Variants in CLCNKB observed in about 807,000 individuals in gnomAD.
The protein encoded by CLCNKB is chloride voltage-gated channel Kb.
In CLCNKB, 74 loss-of-function variants were observed where a neutral mutation model predicts 83.8. The ratio of observed to expected loss-of-function variants is 0.88; its 90% confidence interval spans 0.73 to 1.07. The LOEUF is 1.07. Ranked by LOEUF, CLCNKB falls within the 50% of genes least tolerant of loss-of-function variation. The pLI, the probability that CLCNKB is intolerant of heterozygous loss-of-function variation, is 0.00. For synonymous variants in CLCNKB, 358 were observed against 356.6 expected (o/e 1.00, Z -0.04); for missense variants, 798 against 893.6 (o/e 0.89, Z 1.36).
rs1216464592 is a variant in CLCNKB, at chr1:16,055,455, A to G, written c.1777A>G (p.Ile593Val). 20 of 1,572,196 alleles carry G rather than the reference A, an allele frequency of 1.3e-5. No individual in the cohort carries two copies. The highest frequency in any genetic ancestry group is 1.7e-5 in the Non-Finnish European group (20 of 1,153,794). The change falls in exon 17 of 20, where the codon ATA becomes GTA. Residue 593 changes from isoleucine (I) to valine (V), a missense_variant. Physicochemically the swap from Ile to Val is conservative, Grantham distance 29 (BLOSUM62 3). Coordinates refer to ENST00000375679, the MANE Select transcript of CLCNKB (RefSeq NM_000085.5). ...ESTESQILVG[I>V]VRRAQLVQAL... is the part of the protein sequence containing the mutation. ...GCCAGAGTCCCAGATCCTGGTGGGC[A>G]TAGTGCGAAGGGCCCAGCTGGTGCA...
Position 16,055,693 on chromosome 1 carries a change from T to A in CLCNKB, c.1864T>A (p.Leu622Met). The stretch of plus-strand genomic sequence containing the variant: ...CCCCCAGCAGTGTCTCCAGGACATC[T>A]TGGCTGCAGGCTGCCCCACAGAACC... ...PGHQQCLQDI[L>M]AAGCPTEPVT... Residue 622 changes from leucine (L) to methionine (M), a missense_variant, in exon 18 of 20, where the codon TTG becomes ATG. Physicochemically the swap from Leu to Met is conservative, Grantham distance 15. Transcript: ENST00000375679. 1 of 1,613,858 alleles carries A rather than the reference T, an allele frequency of 6.2e-7. No individual in the cohort carries two copies. Among genetic ancestry groups the A allele is most frequent in the Non-Finnish European group, 8.5e-7 (1 of 1,180,028 alleles).
intron 7 of CLCNKB, 121 bp downstream of exon 7, chr1:16,048,703 A>T: frequency 6.6e-7 from 1 of 1,522,902 alleles, no homozygotes; most frequent in Non-Finnish European, 8.9e-7. Context: ...TTCTCACTTC[A>T]GCCCCGCCTT....
intron 17 of CLCNKB, 28 bp from the exon 18 acceptor site, chr1:16,055,647 T>G (rs758248172): frequency 5.6e-6 from 9 of 1,612,294 alleles, no homozygotes; most frequent in Non-Finnish European, 7.6e-6. Flanking sequence ...AGGCCAGCCC[T>G]GCACCTGTAA....
In CLCNKB at chr1:16,052,230, A is replaced by C. The variant is rs12140311; in HGVS notation, c.1441A>C (p.Thr481Pro). The change falls in exon 15 of 20, where the codon ACC becomes CCC. Residue 481 changes from threonine (T) to proline (P), a missense_variant. Coordinates refer to ENST00000375679, the MANE Select transcript of CLCNKB (RefSeq NM_000085.5). ...AAAFSGAVTH[T>P]ISTALLAFEV... The stretch of plus-strand genomic sequence containing the variant: ...AGCCTTCTCAGGGGCTGTGACCCAC[A>C]CCATCTCCACGGCGCTGCTGGCCTT... The C allele has an allele frequency of 6.2e-7, 1 of 1,613,072 alleles. No individual in the cohort carries two copies. Among genetic ancestry groups the C allele is most frequent in the Non-Finnish European group, 8.5e-7 (1 of 1,179,972 alleles).
chr1:16,052,139 T>G (rs1170072105), intron 14 of CLCNKB, 59 bp from the exon 15 acceptor site: 1 of 1,600,956 alleles, frequency 6.2e-7, no homozygotes, highest in African/African-American at 1.3e-5. Flanking sequence ...GTGCCAGCCT[T>G]GCCCTAACAT....
In CLCNKB at chr1:16,045,508, G is replaced by C. The variant is rs6604910; in HGVS notation, c.101-50G>C. 0.63 allele frequency: 1,006,119 copies of C among 1,605,530 alleles called. 321,631 individuals carry two copies. The highest frequency in any genetic ancestry group is 0.72 in the East Asian group (32,145 of 44,598). ...CCAGCAGGCCTCCAAGGATGGGACT[G>C]TCTGTGCCTCCTGCCCCACCCTGTG... is the stretch of plus-strand genomic sequence containing the variant. On this transcript the variant is annotated intron_variant, in intron 2 of 19. Transcript: ENST00000375679.
chr1:16,050,541 A>G lies in CLCNKB; in HGVS notation c.994A>G (p.Thr332Ala). 6.2e-7 allele frequency: 1 copy of G among 1,613,890 alleles called. No homozygotes were observed. The highest frequency in any genetic ancestry group is 8.5e-7 in the Non-Finnish European group (1 of 1,179,950). Residue 332 changes from threonine to alanine, a missense_variant, in exon 11 of 20, where the codon ACC (threonine) becomes GCC (alanine). Coordinates refer to ENST00000375679, the MANE Select transcript of CLCNKB (RefSeq NM_000085.5). ...CAAGCCTGTGTACTCCGCTCTGGCC[A>G]CCTTGGTTCTCGCCTCCATCACCTA... Reference protein sequence around the residue: ...TSKPVYSALATLVLASITYPP... With the variant: ...TSKPVYSALAALVLASITYPP...
At chr1:16,048,191 C>T in intron 5 of CLCNKB, 147 bp downstream of exon 5, 1 of 1,433,180 alleles carries the variant, frequency 7.0e-7, no homozygotes, top group South Asian at 1.2e-5. Flanking sequence ...AGAGGCAGGC[C>T]AGGTCCCCGG....
Position 16,049,797 on chromosome 1 carries a change from T to C in CLCNKB, c.867-18T>C. On this transcript the variant is annotated intron_variant, in intron 9 of 19. Coordinates refer to ENST00000375679, the MANE Select transcript of CLCNKB (RefSeq NM_000085.5). The stretch of plus-strand genomic sequence containing the variant: ...GTACTGGGGTCGGGCTCTGGGCTCA[T>C]GTCTCCATGCTCCCCAGGGGTCTCT... The C allele has an allele frequency of 3.1e-6, 5 of 1,613,838 alleles. No homozygotes were observed. Among genetic ancestry groups the C allele is most frequent in the Non-Finnish European group, 4.2e-6 (5 of 1,179,866 alleles).
chr1:16,044,730 T>C (rs1237003294), intron 2 of CLCNKB, 138 bp downstream of exon 2: 6 of 745,402 alleles, frequency 8.0e-6, no homozygotes, highest in South Asian at 1.7e-5. Context: ...CAAAGTCTCC[T>C]GGGTGGCAGG....
chr1:16,044,554 T>C lies in CLCNKB; in HGVS notation c.62T>C (p.Leu21Pro), dbSNP rs1363752566. Reference sequence around the variant, plus strand: ...GGGAACCCTGTGACTCTGCAGGAGCTGTGGGGCCCCTGTCCCCGCATCCGC... The same window carrying C: ...GGGAACCCTGTGACTCTGCAGGAGCCGTGGGGCCCCTGTCCCCGCATCCGC... Reference protein sequence around the residue: ...SSGNPVTLQELWGPCPRIRRG... With the variant: ...SSGNPVTLQEPWGPCPRIRRG... The change falls in exon 2 of 20, where the codon CTG (leucine) becomes CCG (proline). Residue 21 changes from leucine to proline, a missense_variant. Coordinates refer to ENST00000375679, the MANE Select transcript of CLCNKB (RefSeq NM_000085.5). The C allele has an allele frequency of 5.6e-6, 9 of 1,606,492 alleles. No homozygotes were observed. The highest frequency in any genetic ancestry group is 7.6e-6 in the Non-Finnish European group (9 of 1,177,352).
rs1204707218 is a variant in CLCNKB, at chr1:16,044,516, T to C, written c.24T>C (p.Arg8=). ...TGATGGAGGAGTTTGTGGGGCTGCG[T>C]GAAGGCTCCTCAGGGAACCCTGTGA... MEEFVGL[R]EGSSGNPVTL... is the part of the protein sequence containing the mutation. Residue 8 remains arginine (R), a synonymous_variant, in exon 2 of 20, where the codon CGT becomes CGC. Coordinates refer to ENST00000375679, the MANE Select transcript of CLCNKB (RefSeq NM_000085.5). The C allele has an allele frequency of 6.2e-7, 1 of 1,605,760 alleles. No individual in the cohort carries two copies. Among genetic ancestry groups the C allele is most frequent in the South Asian group, 1.1e-5 (1 of 88,748 alleles).
At chr1:16,048,257 G>A in intron 5 of CLCNKB, 86 bp from the exon 6 acceptor site, 1 of 1,550,286 alleles carries the variant, frequency 6.5e-7, no homozygotes, top group African/African-American at 1.4e-5. Context: ...TGGAGGAGGG[G>A]GTGTTGGGGG....
Position 16,053,772 on chromosome 1 carries a change from G to A in CLCNKB, c.1756G>A (p.Glu586Lys), listed in dbSNP as rs1170835947. ...CAAGTATCCCCTGGTGGAGAGCACA[G>A]GTGCCCAGCCGGAAGGGAGGAGGAA... ...VAKYPLVESTESQILVGIVRR... is the reference protein window; with the variant it reads ...VAKYPLVESTKSQILVGIVRR... The change falls in exon 16 of 20, where the codon GAG becomes AAG. Residue 586 changes from glutamate to lysine, a missense_variant and splice_region_variant. By Grantham distance (56) the Glu-to-Lys change is moderately conservative. Transcript: ENST00000375679. 6.2e-7 allele frequency: 1 copy of A among 1,613,762 alleles called. No homozygotes were observed. The highest frequency in any genetic ancestry group is 1.1e-5 in the South Asian group (1 of 91,064).
Position 16,048,389 on chromosome 1 carries a change from G to C in CLCNKB, c.545G>C (p.Arg182Pro), listed in dbSNP as rs760971956. The change falls in exon 6 of 20, where the codon CGT becomes CCT. Residue 182 changes from arginine (R) to proline (P), a missense_variant. By Grantham distance (103) the Arg-to-Pro change is moderately radical. Coordinates refer to ENST00000375679, the MANE Select transcript of CLCNKB (RefSeq NM_000085.5). Reference sequence around the variant, plus strand: ...GTGATGATGGCTGCCTACCTGGGCCGTGTGCGCACCACGACCATCGGGGAG... The same window carrying C: ...GTGATGATGGCTGCCTACCTGGGCCCTGTGCGCACCACGACCATCGGGGAG... The part of the protein sequence containing the change: ...LSVMMAAYLG[R>P]VRTTTIGEPE... 6.2e-6 allele frequency: 10 copies of C among 1,613,902 alleles called. No individual in the cohort carries two copies. The highest frequency in any genetic ancestry group is 7.6e-6 in the Non-Finnish European group (9 of 1,180,008).
chr1:16,056,010 T>C lies in CLCNKB; in HGVS notation c.1929+252T>C, dbSNP rs12691553. Among the ~76,000 whole-genome samples the C allele has an allele frequency of 0.39, 59,486 of 152,098 alleles. 13,241 individuals carry two copies. Among genetic ancestry groups the C allele is most frequent in the East Asian group, 0.8 (4,173 of 5,184 alleles). ...TGGGAGAGTGGCAAATGTAAATCTC[T>C]GGGTGGAGAAAGACAGTGGAGTTGC... On this transcript the variant is annotated intron_variant, in intron 18 of 19. Coordinates refer to ENST00000375679, the MANE Select transcript of CLCNKB (RefSeq NM_000085.5).
chr1:16,045,927 C>T (rs1257455292), intron 3 of CLCNKB, among the ~76,000 whole-genome samples: 1 of 152,218 alleles, frequency 6.6e-6, no homozygotes, highest in Non-Finnish European at 1.5e-5. Context: ...GCTCTTCCTC[C>T]TCTGAGCTCT....
chr1:16,047,847 T>A (rs770312336), intron 4 of CLCNKB, 58 bp from the exon 5 acceptor site: 1 of 1,563,276 alleles, frequency 6.4e-7, no homozygotes, highest in Admixed American at 1.7e-5. Flanking sequence ...ACAGGTAGAG[T>A]GTTGAGATTT....
rs2023159459 is a variant in CLCNKB at position 16,048,151 on chromosome 1, C to T, written c.498+107C>T. 6 of 1,488,436 alleles carry T rather than the reference C, an allele frequency of 4.0e-6. No homozygotes were observed. In the East Asian group the frequency reaches 1.2e-4, roughly 30 times the overall value. 92.2% of individuals were successfully genotyped at this position (1,488,436 alleles called of 1,614,324 possible). ...GCGTCAGAGGGGACTTGGGCTGGTC[C>T]CTGCCTTCCAGGAACTCAGTCTTGG... On this transcript the variant is annotated intron_variant, in intron 5 of 19. Coordinates refer to ENST00000375679, the MANE Select transcript of CLCNKB (RefSeq NM_000085.5).
Sources: allele counts gnomAD v4.1 joint callset (sites outside exome capture counted in the v4.1 genomes callset), GRCh38; gene constraint gnomAD v4.1.1; transcripts MANE v1.5; gene names NCBI Gene and HGNC (gene_info 2026-07-23, HGNC 2026-07-21).